TRIM71: variants seen among roughly 807,000 people sequenced by gnomAD.
The protein encoded by TRIM71 is tripartite motif containing 71, also known as E3 ubiquitin-protein ligase TRIM71.
TRIM71 carries 9 observed loss-of-function variants against 61.2 expected under a neutral mutation model. That is an observed-to-expected ratio of 0.15 (90% CI 0.09 to 0.26). The LOEUF (loss-of-function observed/expected upper bound fraction) is 0.26. Among genes scored for constraint, TRIM71 ranks in the 10% least tolerant of loss-of-function variants. The pLI, the probability that TRIM71 is intolerant of heterozygous loss-of-function variation, is 1.00. For synonymous variants in TRIM71, 645 were observed against 553.2 expected, an observed-to-expected ratio of 1.17 and a Z score of -2.33; for missense variants, 998 against 1,238.7, an observed-to-expected ratio of 0.81 and a Z score of 2.92.
At chr3:32,862,951 G>C (rs1267338998) in intron 1 of TRIM71, among the ~76,000 whole-genome samples, 1 of 152,140 alleles carries the variant, frequency 6.6e-6, no homozygotes, top group Admixed American at 6.5e-5. Flanking sequence ...TTATAGTAGA[G>C]GGCAGAGGAA....
At chr3:32,826,481 A>G (rs1256012461) in intron 1 of TRIM71, among the ~76,000 whole-genome samples, 2 of 151,344 alleles carry the variant, frequency 1.3e-5, no homozygotes, top group East Asian at 3.9e-4. Context: ...AGATACTCAT[A>G]TTAGACTTAG....
At chr3:32,819,237 G>A (rs7616245) in intron 1 of TRIM71, among the ~76,000 whole-genome samples, 147,258 of 152,266 alleles carry the variant, frequency 0.97, 71,406 homozygotes, top group East Asian at 1. Flanking sequence ...TGAGTTGGGA[G>A]GAGATAGGTG....
At chr3:32,826,919 T>C (rs111762764) in intron 1 of TRIM71, among the ~76,000 whole-genome samples, 3,030 of 152,036 alleles carry the variant, frequency 0.02, 65 homozygotes, top group East Asian at 0.1. Flanking sequence ...CCTGCCACCA[T>C]GCCCGGCTAA....
At chr3:32,843,874 G>T (rs1338761519) in intron 1 of TRIM71, among the ~76,000 whole-genome samples, 6 of 149,798 alleles carry the variant, frequency 4.0e-5, no homozygotes, top group African/African-American at 9.9e-5. Context: ...TCTGGGCCCT[G>T]CCCGCCCACC....
chr3:32,881,375 A>G (rs1438846402), intron 2 of TRIM71, among the ~76,000 whole-genome samples: 1 of 152,206 alleles, frequency 6.6e-6, no homozygotes, highest in Non-Finnish European at 1.5e-5. Context: ...ATGGTCGCCT[A>G]CAAGTGTATG....
At chr3:32,827,268 C>CTTTTT (rs369755706) in intron 1 of TRIM71, among the ~76,000 whole-genome samples, 3 of 129,678 alleles carry the variant, frequency 2.3e-5, no homozygotes, top group Non-Finnish European at 5.0e-5. Context: ...GGGGATAATT[C>CTTTTT]TTTTTTTTTT....
At chr3:32,856,207 C>T (rs1019622758) in intron 1 of TRIM71, among the ~76,000 whole-genome samples, 4 of 151,936 alleles carry the variant, frequency 2.6e-5, no homozygotes, top group Admixed American at 6.6e-5. Context: ...TTAGTGGAGA[C>T]GGGGTTTCAC....
chr3:32,891,571 A>C lies in TRIM71; in HGVS notation c.2367A>C (p.Thr789=). 6.2e-7 allele frequency: 1 copy of C among 1,613,822 alleles called. No individual in the cohort carries two copies. The highest frequency in any genetic ancestry group is 1.7e-4 in the Middle Eastern group (1 of 6,060). Residue 789 remains threonine, a synonymous_variant, in exon 4 of 4, where the codon ACA becomes ACC. Transcript: ENST00000383763. This position sits in a 1 kb window ranked among gnomAD's most constrained non-coding sequence, Gnocchi z 8.2. ...QSARFLGSEG[T]GNGQFLRPQG... ...CACGCTTTCTGGGCTCGGAGGGCAC[A>C]GGCAATGGGCAGTTCCTGCGCCCAC... is the stretch of plus-strand genomic sequence containing the variant.
chr3:32,838,793 T>G (rs1575344679), intron 1 of TRIM71, among the ~76,000 whole-genome samples: 1 of 152,162 alleles, frequency 6.6e-6, no homozygotes, highest in South Asian at 2.1e-4. Context: ...ATGTGGATTT[T>G]GAGCTCCTTT....
At position 32,818,536 on chromosome 3, in the gene TRIM71, C is replaced by G. The variant is rs1034296114; in HGVS notation, c.456C>G (p.His152Gln). ...GCGGCCACAGCAACCACCGGCACCA[C>G]GCTCACCACGCGCACCCGCGCGCGT... ...GAGGHSNHRH[H>Q]AHHAHPRASA... Residue 152 changes from histidine (H) to glutamine (Q), a missense_variant, in exon 1 of 4, where the codon CAC becomes CAG. By Grantham distance (24) the His-to-Gln change is conservative (BLOSUM62 0). Transcript: ENST00000383763. The G allele has an allele frequency of 5.2e-6, 7 of 1,340,036 alleles. No homozygotes were observed. Among genetic ancestry groups the G allele is most frequent in the Non-Finnish European group, 6.7e-6 (7 of 1,050,530 alleles). 83.0% of individuals were successfully genotyped at this position (1,340,036 alleles called of 1,614,324 possible).
chr3:32,835,460 A>C (rs1164355964), intron 1 of TRIM71, among the ~76,000 whole-genome samples: 1 of 151,992 alleles, frequency 6.6e-6, no homozygotes, highest in Non-Finnish European at 1.5e-5. Context: ...GTATGTTAAC[A>C]CTTGATAGGA....
intron 3 of TRIM71, among the ~76,000 whole-genome samples, chr3:32,887,610 G>A (rs1435084583): frequency 2.0e-5 from 3 of 149,910 alleles, no homozygotes; most frequent in Non-Finnish European, 4.4e-5. Flanking sequence ...ATATATAAGT[G>A]CAAGGATTAA....
chr3:32,859,320 C>T (rs1575351296), intron 1 of TRIM71, among the ~76,000 whole-genome samples: 1 of 152,068 alleles, frequency 6.6e-6, no homozygotes, highest in Non-Finnish European at 1.5e-5. Context: ...AGTGCAGTGG[C>T]GTGATGTCGG....
chr3:32,863,913 T>C (rs1696701928), intron 1 of TRIM71, among the ~76,000 whole-genome samples: 1 of 152,048 alleles, frequency 6.6e-6, no homozygotes, highest in Admixed American at 6.6e-5. Context: ...AACTCCTGAC[T>C]AAAAATGGTC....
intron 1 of TRIM71, among the ~76,000 whole-genome samples, chr3:32,827,022 C>T (rs369145204): frequency 6.6e-6 from 1 of 152,112 alleles, no homozygotes; most frequent in East Asian, 1.9e-4. Flanking sequence ...CCTCGGCCTC[C>T]CAAAGTGCTG....
At chr3:32,889,089 G>A (rs1056086138) in intron 3 of TRIM71, among the ~76,000 whole-genome samples, 9 of 152,114 alleles carry the variant, frequency 5.9e-5, no homozygotes, top group Admixed American at 5.9e-4. Context: ...ATCACTATCT[G>A]ACATGATCCT....
At chr3:32,870,116 G>A (rs1170777404) in intron 1 of TRIM71, among the ~76,000 whole-genome samples, 2 of 152,128 alleles carry the variant, frequency 1.3e-5, no homozygotes, top group Non-Finnish European at 2.9e-5. Flanking sequence ...CCTATCGATT[G>A]TTTTAACAGC....
At chr3:32,868,648 T>TC (rs1208268788) in intron 1 of TRIM71, among the ~76,000 whole-genome samples, 4 of 151,894 alleles carry the variant, frequency 2.6e-5, no homozygotes, top group East Asian at 1.9e-4. Flanking sequence ...TTTTTTTTTT[T>TC]CATGGTTAAA....
At chr3:32,835,196 C>A (rs77799149) in intron 1 of TRIM71, among the ~76,000 whole-genome samples, 6,171 of 152,272 alleles carry the variant, frequency 0.041, 283 homozygotes, top group East Asian at 0.14. Context: ...TGGCATGTTA[C>A]GGACATCTGG....
Sources: gnomAD v4.1 joint callset for allele counts (sites outside exome capture counted in the v4.1 genomes callset) on GRCh38, gnomAD v4.1.1 for gene constraint, Gnocchi (gnomAD v3.1) non-coding constraint, MANE v1.5 for transcripts, NCBI Gene and HGNC (gene_info 2026-07-23, HGNC 2026-07-21) for gene names.